RBBP8NL: variants seen among roughly 807,000 people sequenced by gnomAD.
RBBP8NL encodes RBBP8 N-terminal like, also known as RBBP8 N-terminal-like protein.
A neutral mutation model predicts 62.2 loss-of-function variants in RBBP8NL; 59 were observed. That is an observed-to-expected ratio of 0.95 (90% CI 0.77 to 1.18). RBBP8NL has a LOEUF of 1.18. Among genes scored for constraint, RBBP8NL ranks in the 50% most tolerant of loss-of-function variants. RBBP8NL has a pLI of 0.00. For missense variants in RBBP8NL, 896 were observed against 899.5 expected, an observed-to-expected ratio of 1.00 and a Z score of 0.05; for synonymous variants, 412 against 394.1, an observed-to-expected ratio of 1.05 and a Z score of -0.54.
At position 62,410,954 on chromosome 20, in the gene RBBP8NL, G is replaced by A. The variant is rs1312172139; in HGVS notation, c.1919C>T (p.Thr640Ile). Residue 640 changes from threonine (T) to isoleucine (I), a missense_variant, in exon 14 of 14, where the codon ACT becomes ATT. Coordinates refer to ENST00000252998, the MANE Select transcript of RBBP8NL (RefSeq NM_080833.3). The part of the protein sequence containing the change: ...PSRGRRKLTA[T>I]EGPGSPRDAE... ...GTCCCTTGGGCTCCCGGGCCCCTCA[G>A]TGGCTGTCAGTTTCCTTCTCCCTCT... 1 of 1,613,768 alleles carries A rather than the reference G, an allele frequency of 6.2e-7. No homozygotes were observed. The highest frequency in any genetic ancestry group is 8.5e-7 in the Non-Finnish European group (1 of 1,179,894).
chr20:62,413,366 C>T, intron 11 of RBBP8NL, 35 bp downstream of exon 11: 1 of 1,388,270 alleles, frequency 7.2e-7, no homozygotes, highest in South Asian at 1.9e-5. Flanking sequence ...GAAAACACCT[C>T]CCAGCTGGAC....
Position 62,415,909 on chromosome 20 carries a change from C to T in RBBP8NL, c.423G>A (p.Ser141=), listed in dbSNP as rs371644740. The change falls in exon 7 of 14, where the codon TCG becomes TCA. Residue 141 remains serine (S), a synonymous_variant. Transcript: ENST00000252998. ...RPKPRAKEGT[S]DPPSPLLLPS... ...GGAGCAGCAGGGGTGAGGGGGGGTC[C>T]GAGGTGCCCTCCTTGGCCCGGGGCT... The T allele has an allele frequency of 5.1e-4, 807 of 1,582,110 alleles. 1 individual carries two copies. Among genetic ancestry groups the T allele is most frequent in the Non-Finnish European group, 6.6e-4 (766 of 1,166,276 alleles).
At chr20:62,417,928 C>CTTTAGT in intron 3 of RBBP8NL, among the ~76,000 whole-genome samples, 1 of 81,994 alleles carries the variant, frequency 1.2e-5, no homozygotes, top group African/African-American at 5.8e-5. Flanking sequence ...GTCCACGCAA[C>CTTTAGT]GCCCCCCCAG....
In RBBP8NL at chr20:62,413,383, C is replaced by T. The variant is rs745879228; in HGVS notation, c.1675+18G>A. 7.1e-7 allele frequency: 1 copy of T among 1,413,046 alleles called. No homozygotes were observed. The highest frequency in any genetic ancestry group is 3.2e-5 in the Admixed American group (1 of 31,158). 87.5% of individuals were successfully genotyped at this position (1,413,046 alleles called of 1,614,324 possible). ...AAACACCTCCCAGCTGGACTCTGACCCCAGGTGCTGACTGTACCTGGGTGG... is the reference window on the plus strand; with the variant it reads ...AAACACCTCCCAGCTGGACTCTGACTCCAGGTGCTGACTGTACCTGGGTGG... On this transcript the variant is annotated intron_variant, in intron 11 of 13. Transcript: ENST00000252998.
In RBBP8NL at chr20:62,415,901, G is replaced by T. The variant is rs796378863; in HGVS notation, c.431C>A (p.Pro144His). Residue 144 changes from proline (P) to histidine (H), a missense_variant, in exon 7 of 14, where the codon CCC (proline) becomes CAC (histidine). Transcript: ENST00000252998. ...AGGGGAGGGGAGCAGCAGGGGTGAGGGGGGGTCCGAGGTGCCCTCCTTGGC... is the reference window on the plus strand; with the variant it reads ...AGGGGAGGGGAGCAGCAGGGGTGAGTGGGGGTCCGAGGTGCCCTCCTTGGC... The part of the protein sequence containing the change: ...PRAKEGTSDP[P>H]SPLLLPSPGG... The T allele has an allele frequency of 1.4e-5, 23 of 1,592,342 alleles. No homozygotes were observed. Among genetic ancestry groups the T allele is most frequent in the Non-Finnish European group, 2.0e-5 (23 of 1,171,302 alleles).
chr20:62,416,711 G>C, intron 5 of RBBP8NL, 49 bp downstream of exon 5: 1 of 1,347,386 alleles, frequency 7.4e-7, no homozygotes, highest in East Asian at 2.5e-5. Context: ...GCCTGGGGTC[G>C]CCTGGCCCCG....
chr20:62,417,435 G>GGATCCTGCT, intron 3 of RBBP8NL, 116 bp from the exon 4 acceptor site: 3 of 742,064 alleles, frequency 4.0e-6, no homozygotes, highest in African/African-American at 5.1e-5. Context: ...TGGTCTGGGG[G>GGATCCTGCT]CAACGCCTAA....
intron 3 of RBBP8NL, among the ~76,000 whole-genome samples, chr20:62,418,205 C>G (rs1569025965): frequency 6.6e-6 from 1 of 152,178 alleles, no homozygotes; most frequent in African/African-American, 2.4e-5. Flanking sequence ...AGGGGGCTTG[C>G]CCCGCCCCTG....
intron 1 of RBBP8NL, among the ~76,000 whole-genome samples, chr20:62,421,968 C>T (rs1160431128): frequency 2.6e-5 from 4 of 152,156 alleles, no homozygotes; most frequent in Non-Finnish European, 5.9e-5. Context: ...TGGTGCGTCA[C>T]CTGAACAACT....
At chr20:62,426,748 C>T (rs541689660) in intron 1 of RBBP8NL, among the ~76,000 whole-genome samples, 7 of 152,306 alleles carry the variant, frequency 4.6e-5, no homozygotes, top group Middle Eastern at 6.8e-3. Flanking sequence ...CAGCTGCACA[C>T]GCATGTTGTG....
chr20:62,416,090 G>A, intron 6 of RBBP8NL, 74 bp downstream of exon 6: 2 of 1,507,088 alleles, frequency 1.3e-6, no homozygotes, highest in South Asian at 2.4e-5. Context: ...GTTCCCCCAG[G>A]GACGTGTGCT....
Position 62,414,203 on chromosome 20 carries a change from TC to T in RBBP8NL, c.1147del (p.Glu383ArgfsTer56). The T allele has an allele frequency of 6.2e-7, 1 of 1,608,320 alleles. No individual in the cohort carries two copies. On this transcript the variant is annotated frameshift_variant, in exon 10 of 14. Coordinates refer to ENST00000252998, the MANE Select transcript of RBBP8NL (RefSeq NM_080833.3). LOFTEE classifies it high-confidence loss of function. ...GCCGACTGGTAGGGAGGGCAGCATC[TC>T]CCCGGGTGTGGGCTGGCCCCTTGGC... ...VRPRGQPTPGEMLPSLPVGSD... is the reference protein window; with the variant it reads ...VRPRGQPTPGXMLPSLPVGSD...
chr20:62,412,000 T>C (rs945387544), intron 13 of RBBP8NL, among the ~76,000 whole-genome samples: 1 of 152,252 alleles, frequency 6.6e-6, no homozygotes, highest in Non-Finnish European at 1.5e-5. Context: ...GGACCCCAGC[T>C]GGAGCTGCCA....
chr20:62,415,009 G>A, intron 9 of RBBP8NL, 112 bp downstream of exon 9: 6 of 1,214,328 alleles, frequency 4.9e-6, no homozygotes, highest in Non-Finnish European at 6.6e-6. Context: ...AAAAAGCCAA[G>A]CCAGAGAAGT....
chr20:62,416,698 C>T (rs1200681607), intron 5 of RBBP8NL, 62 bp downstream of exon 5: 6 of 1,187,634 alleles, frequency 5.1e-6, no homozygotes, highest in East Asian at 2.5e-5. Context: ...ATGGGCTGAA[C>T]AGGCCTGGGG....
At chr20:62,422,915 G>C (rs928256692) in intron 1 of RBBP8NL, among the ~76,000 whole-genome samples, 2 of 152,070 alleles carry the variant, frequency 1.3e-5, no homozygotes, top group African/African-American at 4.8e-5. Flanking sequence ...CCACAGACCC[G>C]CCTGGGCTTT....
rs1300770194 is a variant in RBBP8NL, at chr20:62,417,232, C to T, written c.192G>A (p.Leu64=). 1.9e-6 allele frequency: 3 copies of T among 1,601,168 alleles called. No homozygotes were observed. Among genetic ancestry groups the T allele is most frequent in the Admixed American group, 1.7e-5 (1 of 58,404 alleles). Residue 64 remains leucine, a synonymous_variant, in exon 4 of 14, where the codon CTG becomes CTA. Coordinates refer to ENST00000252998, the MANE Select transcript of RBBP8NL (RefSeq NM_080833.3). ...QKTLKENLRV[L]ENRLRAGLCD... ...TGTCCTCCCAGGCCCACCTGTTCTC[C>T]AGCACCCGCAGGTTCTCCTTCAGTG...
At chr20:62,422,913 C>T (rs1161889527) in intron 1 of RBBP8NL, among the ~76,000 whole-genome samples, 1 of 152,064 alleles carries the variant, frequency 6.6e-6, no homozygotes, top group African/African-American at 2.4e-5. Context: ...GTCCACAGAC[C>T]CGCCTGGGCT....
intron 8 of RBBP8NL, 40 bp downstream of exon 8, chr20:62,415,538 G>T (rs1256872485): frequency 1.2e-6 from 2 of 1,600,648 alleles, no homozygotes; most frequent in Admixed American, 3.3e-5. Context: ...GCCTGCGCCG[G>T]CCCAGCTGCA....
Sources: gnomAD v4.1 joint callset for allele counts (sites outside exome capture counted in the v4.1 genomes callset) on GRCh38, gnomAD v4.1.1 for gene constraint, MANE v1.5 for transcripts, NCBI Gene and HGNC (gene_info 2026-07-23, HGNC 2026-07-21) for gene names.